The following SYNPR variants were observed in gnomAD, a reference collection of about 807,000 sequenced individuals.
SYNPR encodes synaptoporin.
In SYNPR, 23 loss-of-function variants were observed where a neutral mutation model predicts 32.9. The observed-to-expected ratio is 0.70, with a 90% confidence interval of 0.50 to 0.99. The LOEUF (loss-of-function observed/expected upper bound fraction) is 0.99. Ranked by LOEUF, SYNPR falls within the 50% of genes least tolerant of loss-of-function variation. SYNPR has a pLI of 0.00. For synonymous variants in SYNPR, 146 were observed against 135.9 expected, an observed-to-expected ratio of 1.07 and a Z score of -0.52; for missense variants, 318 against 349.3, an observed-to-expected ratio of 0.91 and a Z score of 0.71.
rs1199524348 is a variant in SYNPR at position 63,258,067 on chromosome 3, AAAGC to A, written n.154+5485_154+5488del. On this transcript the variant is annotated intron_variant and non_coding_transcript_variant, in intron 2 of 4. Coordinates refer to the SYNPR transcript ENST00000478456. ...CCAATACAGGAGCACCCAGATCCAT[AAAGC>A]AAGTCCTTAGAGACCTAGAAAGAGA... is the stretch of plus-strand genomic sequence containing the variant. 4.6e-5 allele frequency among the ~76,000 whole-genome samples: 7 copies of A among 152,312 alleles called. No individual in the cohort carries two copies. The East Asian group carries it at 1.3e-3, about 29-fold the overall frequency.
chr3:63,284,060 G>A (rs1351913964), intron 2 of SYNPR, among the ~76,000 whole-genome samples: 3 of 152,016 alleles, frequency 2.0e-5, no homozygotes, highest in Non-Finnish European at 4.4e-5. Flanking sequence ...TGCCGGCCTC[G>A]GCCTCCCAAA....
In SYNPR at chr3:63,292,330, C is replaced by T. The variant is rs151071455; in HGVS notation, c.84+13588C>T. Among the ~76,000 whole-genome samples, 310 of 152,288 alleles carry T rather than the reference C, an allele frequency of 2.0e-3. 1 individual carries two copies. Among genetic ancestry groups the T allele is most frequent in the African/African-American group, 7.3e-3 (304 of 41,560 alleles). On this transcript the variant is annotated intron_variant, in intron 2 of 5. Transcript: ENST00000478300. ...ATCATGGTAATTAGCATATCCATCA[C>T]CTCAAACATTTGTCACTTGTTTGTG... is the stretch of plus-strand genomic sequence containing the variant.
intron 2 of SYNPR, among the ~76,000 whole-genome samples, chr3:63,345,875 C>T (rs1371138908): frequency 1.3e-5 from 2 of 151,730 alleles, no homozygotes; most frequent in Admixed American, 1.3e-4. Flanking sequence ...AGTGCAGTGG[C>T]GCAATCTCAG....
intron 4 of SYNPR, among the ~76,000 whole-genome samples, chr3:63,569,693 T>C (rs1485067263): frequency 6.6e-6 from 1 of 152,264 alleles, no homozygotes; most frequent in Admixed American, 6.5e-5. Flanking sequence ...GGGCTCTGCA[T>C]GCCCTCAGCT....
In SYNPR at chr3:63,415,270, A is replaced by G. The variant is rs1349628564; in HGVS notation, c.85-65562A>G. The stretch of plus-strand genomic sequence containing the variant: ...ACAGCATGCTGGTAGCTCAAAACCA[A>G]TCATGCTGATAGCATTTACACCATG... On this transcript the variant is annotated intron_variant, in intron 2 of 5. Transcript: ENST00000478300. Among the ~76,000 whole-genome samples, 6 of 152,344 alleles carry G rather than the reference A, an allele frequency of 3.9e-5. No individual in the cohort carries two copies. In the East Asian group the frequency reaches 7.7e-4, roughly 20 times the overall value.
At chr3:63,330,507 G>A (rs527666531) in intron 2 of SYNPR, among the ~76,000 whole-genome samples, 1 of 151,982 alleles carries the variant, frequency 6.6e-6, no homozygotes, top group East Asian at 2.0e-4. Flanking sequence ...TCAAGTTTAA[G>A]TGATTCTTCC....
intron 2 of SYNPR, among the ~76,000 whole-genome samples, chr3:63,425,815 C>G (rs1252592756): frequency 6.9e-6 from 1 of 144,370 alleles, no homozygotes; most frequent in East Asian, 2.1e-4. Flanking sequence ...TGAAGTCTTA[C>G]TCTGTCACCC....
At chr3:63,543,561 C>T (rs1054449729) in intron 3 of SYNPR, among the ~76,000 whole-genome samples, 1 of 151,974 alleles carries the variant, frequency 6.6e-6, no homozygotes, top group Admixed American at 6.6e-5. Flanking sequence ...GAGCCCTTTC[C>T]AATAATTAAA....
intron 3 of SYNPR, among the ~76,000 whole-genome samples, chr3:63,555,711 A>C (rs1702584657): frequency 6.6e-6 from 1 of 152,226 alleles, no homozygotes; most frequent in Admixed American, 6.5e-5. Flanking sequence ...TCATTTATCC[A>C]AGTACTATTT....
chr3:63,538,759 G>A (rs768393389), intron 3 of SYNPR, among the ~76,000 whole-genome samples: 9 of 152,034 alleles, frequency 5.9e-5, no homozygotes, highest in Middle Eastern at 3.2e-3. Flanking sequence ...CAACCCATAA[G>A]CATAAGAGCA....
intron 3 of SYNPR, among the ~76,000 whole-genome samples, chr3:63,494,516 TATATAC>T (rs1701334423): frequency 4.8e-5 from 2 of 41,852 alleles, no homozygotes; most frequent in African/African-American, 2.7e-4. Context: ...CATATATACA[TATATAC>T]ATATATATAT....
intron 3 of SYNPR, among the ~76,000 whole-genome samples, chr3:63,508,426 A>C (rs1480597706): frequency 6.6e-6 from 1 of 152,144 alleles, no homozygotes; most frequent in Non-Finnish European, 1.5e-5. Flanking sequence ...AACAGAGCTG[A>C]CTCAGATGTC....
chr3:63,437,358 C>T (rs773850306), intron 2 of SYNPR, among the ~76,000 whole-genome samples: 9 of 152,032 alleles, frequency 5.9e-5, no homozygotes, highest in African/African-American at 9.7e-5. Flanking sequence ...CCAATTTTAT[C>T]GGTTAGGGCA....
chr3:63,227,476 C>T (rs1244624173), upstream of SYNPR, among the ~76,000 whole-genome samples: 1 of 152,090 alleles, frequency 6.6e-6, no homozygotes, highest in Non-Finnish European at 1.5e-5. Context: ...GAAACAGAAA[C>T]CAAACTACGG....
rs551981285 is a variant in SYNPR at position 63,240,772 on chromosome 3, T to A, written n.67-11727T>A. 1.4e-4 allele frequency among the ~76,000 whole-genome samples: 21 copies of A among 152,190 alleles called. 1 individual carries two copies. The South Asian group carries it at 1.9e-3, about 14-fold the overall frequency. ...TCTTTGTGTGAGTGAGAATATCCCA[T>A]TTTTCATAATACAAGTCATGCAGCC... is the stretch of plus-strand genomic sequence containing the variant. On this transcript the variant is annotated intron_variant and non_coding_transcript_variant, in intron 1 of 4. Transcript: ENST00000478456.
At chr3:63,536,802 C>A (rs932692875) in intron 3 of SYNPR, among the ~76,000 whole-genome samples, 3 of 152,000 alleles carry the variant, frequency 2.0e-5, no homozygotes, top group African/African-American at 7.2e-5. Flanking sequence ...ATAAAAGGAA[C>A]AAAGTACTGA....
chr3:63,225,267 G>A (rs1314009602), upstream of SYNPR, among the ~76,000 whole-genome samples: 17 of 152,194 alleles, frequency 1.1e-4, no homozygotes, highest in Admixed American at 1.1e-3. Flanking sequence ...TGACTTGGAG[G>A]ATGGTCTCTG....
chr3:63,514,900 A>G (rs192745266), intron 3 of SYNPR, among the ~76,000 whole-genome samples: 84 of 152,204 alleles, frequency 5.5e-4, no homozygotes, highest in African/African-American at 2.0e-3. Context: ...GGTTTCCCAC[A>G]AAAACATTTG....
At chr3:63,464,179 T>C (rs57891639) in intron 2 of SYNPR, among the ~76,000 whole-genome samples, 7,879 of 152,268 alleles carry the variant, frequency 0.052, 542 homozygotes, top group African/African-American at 0.15. Context: ...TTTTATTTAC[T>C]TTCTGCAAAG....
Sources: gnomAD v4.1 joint callset for allele counts (sites outside exome capture counted in the v4.1 genomes callset) on GRCh38, gnomAD v4.1.1 for gene constraint, MANE v1.5 for transcripts, NCBI Gene and HGNC (gene_info 2026-07-23, HGNC 2026-07-21) for gene names.